RAPGEF4: variants seen among roughly 807,000 people sequenced by gnomAD.
The protein encoded by RAPGEF4 is Rap guanine nucleotide exchange factor 4, also known as RAP guanine-nucleotide-exchange factor (GEF) 4.
In RAPGEF4, 66 loss-of-function variants were observed where a neutral mutation model predicts 147.9. The observed-to-expected ratio is 0.45, with a 90% CI of 0.37 to 0.55. RAPGEF4 has a LOEUF of 0.55. Ranked by LOEUF, RAPGEF4 falls within the 20% of genes least tolerant of loss-of-function variation. The pLI, the probability that RAPGEF4 is intolerant of heterozygous loss-of-function variation, is 0.00. For synonymous variants in RAPGEF4, 419 were observed against 442.7 expected, an observed-to-expected ratio of 0.95 and a Z score of 0.67; for missense variants, 1,071 against 1,257.3, an observed-to-expected ratio of 0.85 and a Z score of 2.24.
chr2:172,853,238 T>C (rs993565849), intron 4 of RAPGEF4, among the ~76,000 whole-genome samples: 5 of 152,072 alleles, frequency 3.3e-5, no homozygotes. Flanking sequence ...AAATATTTGA[T>C]AGAATACCAT....
chr2:173,051,755 T>C lies in RAPGEF4; in HGVS notation c.3024T>C (p.Pro1008=). The change falls in exon 31 of 31, where the codon CCT becomes CCC. Residue 1008 remains proline, a synonymous_variant. Transcript: ENST00000397081. ...TLSQMSHRLE[P]RRP is the part of the protein sequence containing the mutation. Reference sequence around the variant, plus strand: ...CACAGATGTCACACAGATTAGAGCCTCGTCGACCATAGACATTTCAAATGC... The same window carrying C: ...CACAGATGTCACACAGATTAGAGCCCCGTCGACCATAGACATTTCAAATGC... 6.2e-7 allele frequency: 1 copy of C among 1,613,890 alleles called. No individual in the cohort carries two copies. Among genetic ancestry groups the C allele is most frequent in the Admixed American group, 1.7e-5 (1 of 60,004 alleles).
chr2:172,960,079 C>A (rs927705304), intron 6 of RAPGEF4, among the ~76,000 whole-genome samples: 6 of 152,098 alleles, frequency 3.9e-5, no homozygotes, highest in African/African-American at 1.2e-4. Context: ...GGCAACAGAG[C>A]AAGACCCCAT....
intron 4 of RAPGEF4, among the ~76,000 whole-genome samples, chr2:172,874,925 T>G (rs1027748173): frequency 3.9e-5 from 6 of 152,244 alleles, no homozygotes; most frequent in Admixed American, 1.3e-4. Context: ...CCTAACTTTT[T>G]AATGATCGCC....
At chr2:172,778,512 G>T (rs553299258) in intron 1 of RAPGEF4, among the ~76,000 whole-genome samples, 106 of 152,234 alleles carry the variant, frequency 7.0e-4, no homozygotes, top group African/African-American at 2.4e-3. Flanking sequence ...GACCAAAGGA[G>T]TGGCCTGATT....
At chr2:172,781,239 G>T (rs1228021648) in intron 1 of RAPGEF4, among the ~76,000 whole-genome samples, 1 of 152,164 alleles carries the variant, frequency 6.6e-6, no homozygotes, top group Non-Finnish European at 1.5e-5. Flanking sequence ...CTCAAAAAGA[G>T]TTGTAGCCTG....
intron 4 of RAPGEF4, chr2:172,860,441 C>A: frequency 2.1e-6 from 1 of 476,030 alleles, no homozygotes. Flanking sequence ...AATGTAATAT[C>A]AACCTAATAA....
At chr2:172,738,286 C>T (rs1420819791) in intron 1 of RAPGEF4, among the ~76,000 whole-genome samples, 3 of 152,138 alleles carry the variant, frequency 2.0e-5, no homozygotes, top group African/African-American at 7.2e-5. Flanking sequence ...TCTTGATCTT[C>T]TTTTCCAGGC....
intron 25 of RAPGEF4, among the ~76,000 whole-genome samples, chr2:173,027,759 G>C (rs980185374): frequency 6.6e-6 from 1 of 152,168 alleles, no homozygotes; most frequent in Admixed American, 6.5e-5. Flanking sequence ...AGAAAAAGAA[G>C]CATCTATCTT....
chr2:172,890,076 A>G (rs1697729629), intron 4 of RAPGEF4, among the ~76,000 whole-genome samples: 1 of 152,248 alleles, frequency 6.6e-6, no homozygotes, highest in African/African-American at 2.4e-5. Flanking sequence ...AATAGTAAAC[A>G]GTGAATTTAG....
chr2:173,040,027 A>G (rs1684559998), intron 29 of RAPGEF4, among the ~76,000 whole-genome samples: 1 of 152,040 alleles, frequency 6.6e-6, no homozygotes, highest in Non-Finnish European at 1.5e-5. Context: ...CCATCTCTCT[A>G]AAAATACAAA....
chr2:172,919,964 C>T (rs1439019568), intron 5 of RAPGEF4, among the ~76,000 whole-genome samples: 1 of 152,104 alleles, frequency 6.6e-6, no homozygotes. Context: ...AGCCACCTGG[C>T]CTTGGGCCTC....
At chr2:172,739,759 T>C (rs1045141472) in intron 1 of RAPGEF4, among the ~76,000 whole-genome samples, 1 of 152,224 alleles carries the variant, frequency 6.6e-6, no homozygotes, top group African/African-American at 2.4e-5. Flanking sequence ...GTCCTAGTTC[T>C]CAGGGTTGGT....
At position 172,967,248 on chromosome 2, in the gene RAPGEF4, A is replaced by G. The variant is rs1000481786; in HGVS notation, c.821-13A>G. ...GGTGCTGCAGCTGACACGTGCTTCCATGTTTCCCATAGTGGACCAGGAGCA... is the reference window on the plus strand; with the variant it reads ...GGTGCTGCAGCTGACACGTGCTTCCGTGTTTCCCATAGTGGACCAGGAGCA... On this transcript the variant is annotated splice_polypyrimidine_tract_variant and intron_variant, in intron 9 of 30. Coordinates refer to ENST00000397081, the MANE Select transcript of RAPGEF4 (RefSeq NM_007023.4). 1.4e-5 allele frequency: 22 copies of G among 1,608,352 alleles called. No individual in the cohort carries two copies. The highest frequency in any genetic ancestry group is 1.7e-5 in the Non-Finnish European group (20 of 1,177,278).
chr2:172,767,864 A>G (rs1696993854), intron 1 of RAPGEF4, among the ~76,000 whole-genome samples: 2 of 151,950 alleles, frequency 1.3e-5, no homozygotes, highest in African/African-American at 4.8e-5. Context: ...TTTTTTTGAG[A>G]CACAGTCTCC....
intron 4 of RAPGEF4, among the ~76,000 whole-genome samples, chr2:172,864,659 T>C (rs1471318557): frequency 6.6e-6 from 1 of 152,232 alleles, no homozygotes; most frequent in Non-Finnish European, 1.5e-5. Context: ...ATCCCTGCAC[T>C]TTGGGAGGCT....
At chr2:173,001,141 A>G (rs1056935481) in intron 16 of RAPGEF4, 125 bp from the exon 17 acceptor site, 44 of 1,401,018 alleles carry the variant, frequency 3.1e-5, no homozygotes, top group South Asian at 2.9e-4. Flanking sequence ...TTCCATGTAA[A>G]GTAAACTCAT....
intron 4 of RAPGEF4, chr2:172,821,949 C>G: frequency 1.2e-6 from 2 of 1,612,824 alleles, no homozygotes; most frequent in South Asian, 2.2e-5. Context: ...TTTGAGAGAC[C>G]GAAAAAGAAG....
chr2:172,965,733 T>C, intron 9 of RAPGEF4, 50 bp downstream of exon 9: 1 of 1,611,282 alleles, frequency 6.2e-7, no homozygotes, highest in Non-Finnish European at 8.5e-7. Flanking sequence ...GCTAAGTGCA[T>C]TTCCCTGGGT....
chr2:172,816,528 C>T (rs540564439), intron 4 of RAPGEF4, among the ~76,000 whole-genome samples: 6 of 152,312 alleles, frequency 3.9e-5, no homozygotes, highest in East Asian at 1.9e-4. Context: ...GTTGATGCTA[C>T]GTTTGATCCC....
Sources: allele counts gnomAD v4.1 joint callset (sites outside exome capture counted in the v4.1 genomes callset), GRCh38; gene constraint gnomAD v4.1.1; transcripts MANE v1.5; gene names NCBI Gene and HGNC (gene_info 2026-07-23, HGNC 2026-07-21).